The following NRG1 variants were observed in gnomAD, a reference collection of about 807,000 sequenced individuals.
NRG1 encodes the protein neuregulin 1.
Under a neutral mutation model 63.8 loss-of-function variants are expected in NRG1, and 18 were observed. The observed-to-expected ratio is 0.28, with a 90% confidence interval of 0.19 to 0.42. NRG1 has a LOEUF of 0.42. Ranked by LOEUF, NRG1 falls within the 10% of genes least tolerant of loss-of-function variation. NRG1 has a pLI of 1.00. For synonymous variants in NRG1, 302 were observed against 301.3 expected (o/e 1.00, Z -0.02); for missense variants, 762 against 814.7 (o/e 0.94, Z 0.79).
At chr8:32,718,533 C>T (rs780499640) in intron 5 of NRG1, among the ~76,000 whole-genome samples, 1 of 152,154 alleles carries the variant, frequency 6.6e-6, no homozygotes, top group Non-Finnish European at 1.5e-5. Flanking sequence ...GCCTAACTCT[C>T]TTCATGGCCT....
Position 32,602,413 on chromosome 8 carries a change from T to G in NRG1, c.279-3149T>G, listed in dbSNP as rs147531181. Among the ~76,000 whole-genome samples, 120 of 152,236 alleles carry G rather than the reference T, an allele frequency of 7.9e-4. 2 individuals carry two copies. The East Asian group carries it at 0.022, about 28-fold the overall frequency. ...ATATGATTACCATGTTTTCTTATAG[T>G]TCCATCTAGTTCAATAGTTAAAATG... On this transcript the variant is annotated intron_variant, in intron 2 of 11. Transcript: ENST00000356819.
chr8:32,310,375 T>C (rs1352628532), intron 1 of NRG1, among the ~76,000 whole-genome samples: 1 of 152,208 alleles, frequency 6.6e-6, no homozygotes, highest in African/African-American at 2.4e-5. Flanking sequence ...CATGTTGCTT[T>C]CAAGCTCTGT....
chr8:31,916,300 C>T (rs538294403), intron 1 of NRG1, among the ~76,000 whole-genome samples: 5 of 151,928 alleles, frequency 3.3e-5, no homozygotes, highest in East Asian at 1.9e-4. Flanking sequence ...CATGCTGGTG[C>T]GCTGCACCCA....
chr8:32,771,027 C>G (rs969089603), downstream of NRG1, among the ~76,000 whole-genome samples: 3 of 152,152 alleles, frequency 2.0e-5, no homozygotes, highest in Admixed American at 6.6e-5. Flanking sequence ...GTAAGCAAAT[C>G]CTTTTTAATA....
At chr8:32,613,164 G>A (rs1016826597) in intron 3 of NRG1, among the ~76,000 whole-genome samples, 6 of 151,926 alleles carry the variant, frequency 3.9e-5, no homozygotes, top group Non-Finnish European at 8.8e-5. Flanking sequence ...GGATGTAAGA[G>A]CCAACGTAGG....
chr8:31,670,061 A>G (rs1806965062), intron 1 of NRG1, among the ~76,000 whole-genome samples: 1 of 152,212 alleles, frequency 6.6e-6, no homozygotes, highest in East Asian at 1.9e-4. Context: ...TCTCAGTTGT[A>G]GACTTAGAGA....
chr8:32,700,746 T>C (rs564431844), intron 5 of NRG1, among the ~76,000 whole-genome samples: 1 of 152,350 alleles, frequency 6.6e-6, no homozygotes, highest in South Asian at 2.1e-4. Context: ...GCTAAGATAG[T>C]ATATGTAATT....
intron 1 of NRG1, among the ~76,000 whole-genome samples, chr8:31,734,848 T>C (rs908252980): frequency 6.6e-6 from 1 of 152,126 alleles, no homozygotes; most frequent in Non-Finnish European, 1.5e-5. Flanking sequence ...ATTCTAAGTC[T>C]CCCTAGCCTC....
chr8:31,823,394 A>G (rs1228455213), intron 1 of NRG1, among the ~76,000 whole-genome samples: 1 of 152,120 alleles, frequency 6.6e-6, no homozygotes, highest in East Asian at 1.9e-4. Context: ...TTATTATGCT[A>G]AAATTGTGTG....
intron 1 of NRG1, among the ~76,000 whole-genome samples, chr8:31,829,681 C>A (rs13439758): frequency 0.017 from 2,652 of 152,282 alleles, 88 homozygotes; most frequent in African/African-American, 0.061. Flanking sequence ...CTTCTCATTG[C>A]TGAGCAGAAT....
intron 1 of NRG1, among the ~76,000 whole-genome samples, chr8:31,724,317 A>G (rs1813210981): frequency 6.6e-6 from 1 of 152,138 alleles, no homozygotes; most frequent in Admixed American, 6.6e-5. Flanking sequence ...CAATTTCAGA[A>G]GAGTTTGACC....
At chr8:32,307,590 T>G (rs927674204) in intron 1 of NRG1, among the ~76,000 whole-genome samples, 10 of 12,318 alleles carry the variant, frequency 8.1e-4, no homozygotes, top group South Asian at 3.0e-3. Context: ...CCCAGGGGTT[T>G]GTGTGTGTGT....
chr8:32,488,659 C>A lies in NRG1; in HGVS notation c.38-107169C>A, dbSNP rs954200143. On this transcript the variant is annotated intron_variant, in intron 1 of 10. Coordinates refer to the NRG1 transcript ENST00000519301. ...CAAACAAACTAGCCAGGCATGGTGG[C>A]AACTGCTTGTAGTCTAGCTACAGCT... 1.1e-4 allele frequency among the ~76,000 whole-genome samples: 17 copies of A among 152,114 alleles called. 1 individual carries two copies. The highest frequency in any genetic ancestry group is 2.4e-4 in the Non-Finnish European group (16 of 68,026).
intron 1 of NRG1, among the ~76,000 whole-genome samples, chr8:32,346,208 AATAG>A (rs1350124006): frequency 6.8e-6 from 1 of 147,680 alleles, no homozygotes; most frequent in Non-Finnish European, 1.5e-5. Flanking sequence ...TATGTAGATG[AATAG>A]ATATATAGAT....
At position 32,401,246 on chromosome 8, in the gene NRG1, C is replaced by G. The variant is rs190966232; in HGVS notation, c.38-194582C>G. On this transcript the variant is annotated intron_variant, in intron 1 of 10. Transcript: ENST00000519301. ...ACCTGTACACCAAAGCCCCATGACA[C>G]GCAGCTTACCAATATAACAAACCAG... is the stretch of plus-strand genomic sequence containing the variant. Among the ~76,000 whole-genome samples, 5 of 152,154 alleles carry G rather than the reference C, an allele frequency of 3.3e-5. No homozygotes were observed. The East Asian group carries it at 9.7e-4, about 29-fold the overall frequency.
chr8:32,571,463 G>A (rs1838568198), intron 1 of NRG1, among the ~76,000 whole-genome samples: 1 of 152,148 alleles, frequency 6.6e-6, no homozygotes, highest in Non-Finnish European at 1.5e-5. Flanking sequence ...TCAGGTTTTA[G>A]CTTCAGGATT....
intron 1 of NRG1, among the ~76,000 whole-genome samples, chr8:31,834,313 A>T (rs980775784): frequency 6.8e-6 from 1 of 147,906 alleles, no homozygotes; most frequent in African/African-American, 2.6e-5. Flanking sequence ...GCGCGCACAC[A>T]CACACACACA....
At chr8:31,689,156 A>C (rs74849982) in intron 1 of NRG1, among the ~76,000 whole-genome samples, 2,855 of 152,226 alleles carry the variant, frequency 0.019, 107 homozygotes, top group African/African-American at 0.064. Flanking sequence ...TCCTTGTTTT[A>C]AGGTCACATG....
intron 1 of NRG1, among the ~76,000 whole-genome samples, chr8:32,223,438 G>A (rs1385143444): frequency 6.6e-6 from 1 of 152,042 alleles, no homozygotes; most frequent in Non-Finnish European, 1.5e-5. Context: ...CTATTCAATG[G>A]GAGGATATAA....
Sources: gnomAD v4.1 joint callset for allele counts (sites outside exome capture counted in the v4.1 genomes callset) on GRCh38, gnomAD v4.1.1 for gene constraint, MANE v1.5 for transcripts, NCBI Gene and HGNC (gene_info 2026-07-23, HGNC 2026-07-21) for gene names.